Variants in TIAM1 observed in about 807,000 individuals in gnomAD.
TIAM1 encodes TIAM Rac1 associated GEF 1.
TIAM1 carries 65 observed loss-of-function variants against 163.5 expected under a neutral mutation model. That is an observed-to-expected ratio of 0.40 (90% CI 0.33 to 0.49). The LOEUF (loss-of-function observed/expected upper bound fraction) is 0.49, where lower values mean the gene tolerates loss of function less well. TIAM1 is among the 20% of genes least tolerant of loss of function. The pLI is 0.77. For synonymous variants in TIAM1, 833 were observed against 810.1 expected, an observed-to-expected ratio of 1.03 and a Z score of -0.48; for missense variants, 1,789 against 2,044.7, an observed-to-expected ratio of 0.87 and a Z score of 2.41.
At chr21:31,195,770 A>G (rs756755263) in intron 12 of TIAM1, among the ~76,000 whole-genome samples, 12 of 152,326 alleles carry the variant, frequency 7.9e-5, no homozygotes, top group Admixed American at 1.3e-4. Flanking sequence ...AAATTACGTA[A>G]AGGAGGATAT....
chr21:31,297,049 T>C (rs148750906), intron 2 of TIAM1, among the ~76,000 whole-genome samples: 139 of 152,314 alleles, frequency 9.1e-4, no homozygotes, highest in Middle Eastern at 3.4e-3. Flanking sequence ...TTCAGGGCTG[T>C]TCTAGAGGAA....
intron 2 of TIAM1, among the ~76,000 whole-genome samples, chr21:31,336,242 T>C (rs1194622887): frequency 6.6e-6 from 1 of 152,216 alleles, no homozygotes; most frequent in Admixed American, 6.5e-5. Context: ...AAAAGATGCT[T>C]GACATGTTTC....
chr21:31,242,876 A>G (rs1351953496), intron 6 of TIAM1, among the ~76,000 whole-genome samples: 1 of 149,856 alleles, frequency 6.7e-6, no homozygotes, highest in Non-Finnish European at 1.5e-5. Context: ...AAAAAAAAAA[A>G]AAAGAAAAAA....
chr21:31,137,634 C>T (rs549975645), intron 22 of TIAM1, among the ~76,000 whole-genome samples: 79 of 151,920 alleles, frequency 5.2e-4, no homozygotes, highest in Middle Eastern at 3.4e-3. Context: ...ATTATCTGCA[C>T]CTTCTGCCAT....
At chr21:31,180,521 C>T (rs964853219) in intron 15 of TIAM1, among the ~76,000 whole-genome samples, 19 of 147,102 alleles carry the variant, frequency 1.3e-4, no homozygotes, top group Non-Finnish European at 2.4e-4. Context: ...TTACCCACCT[C>T]TTTTTTTTTT....
intron 2 of TIAM1, among the ~76,000 whole-genome samples, chr21:31,311,075 C>T (rs760008210): frequency 6.6e-6 from 1 of 152,152 alleles, no homozygotes; most frequent in Non-Finnish European, 1.5e-5. Flanking sequence ...AAATAATGAA[C>T]TGCCAATAAG....
chr21:31,337,646 C>T (rs545361633), intron 2 of TIAM1, among the ~76,000 whole-genome samples: 1 of 152,018 alleles, frequency 6.6e-6, no homozygotes, highest in Non-Finnish European at 1.5e-5. Flanking sequence ...ATTCTCCCGC[C>T]TCAGCCTCCC....
chr21:31,138,304 C>A (rs774295634), intron 22 of TIAM1, among the ~76,000 whole-genome samples: 4 of 152,156 alleles, frequency 2.6e-5, no homozygotes, highest in Non-Finnish European at 5.9e-5. Flanking sequence ...TGTTTCTTTG[C>A]CAGCTTTGTT....
chr21:31,523,346 A>G (rs2147500503), intron 1 of TIAM1, among the ~76,000 whole-genome samples: 1 of 152,344 alleles, frequency 6.6e-6, no homozygotes, highest in East Asian at 1.9e-4. Flanking sequence ...CTAAAACAAC[A>G]CAATGATTTT....
intron 2 of TIAM1, among the ~76,000 whole-genome samples, chr21:31,450,288 C>T (rs920162822): frequency 1.3e-5 from 2 of 152,174 alleles, no homozygotes; most frequent in African/African-American, 4.8e-5. Context: ...CTCTCCTACT[C>T]CAAGGAGAAG....
intron 2 of TIAM1, among the ~76,000 whole-genome samples, chr21:31,333,195 C>T (rs1387642420): frequency 2.0e-5 from 3 of 152,194 alleles, no homozygotes; most frequent in African/African-American, 7.2e-5. Context: ...GCCCCGAGGG[C>T]TGAGGATCTG....
At chr21:31,228,238 A>ATT (rs1569068800) in intron 6 of TIAM1, among the ~76,000 whole-genome samples, 1 of 48,276 alleles carries the variant, frequency 2.1e-5, no homozygotes, top group Non-Finnish European at 6.5e-5. Context: ...AAAAAAAAAA[A>ATT]AAAAAAAAAA....
At chr21:31,239,456 A>C (rs2071055487) in intron 6 of TIAM1, among the ~76,000 whole-genome samples, 1 of 152,138 alleles carries the variant, frequency 6.6e-6, no homozygotes, top group Non-Finnish European at 1.5e-5. Flanking sequence ...ACATATATAC[A>C]AGAAAATTTT....
intron 1 of TIAM1, among the ~76,000 whole-genome samples, chr21:31,495,909 T>C (rs1406471364): frequency 6.6e-6 from 1 of 151,712 alleles, no homozygotes; most frequent in East Asian, 2.0e-4. Flanking sequence ...GGGTTGGAGG[T>C]TGCAGTGAGC....
chr21:31,512,121 G>T (rs1436032790), intron 1 of TIAM1, among the ~76,000 whole-genome samples: 1 of 152,106 alleles, frequency 6.6e-6, no homozygotes, highest in East Asian at 1.9e-4. Flanking sequence ...TTTTGAGATA[G>T]GGTCTCACTC....
chr21:31,417,157 G>A (rs2043401413), intron 2 of TIAM1, among the ~76,000 whole-genome samples: 1 of 152,098 alleles, frequency 6.6e-6, no homozygotes, highest in African/African-American at 2.4e-5. Flanking sequence ...CAAGTAGCTG[G>A]GACTACAGGC....
Position 31,152,000 on chromosome 21 carries a change from T to C in TIAM1, c.3366+636A>G, listed in dbSNP as rs181131758. Among the ~76,000 whole-genome samples, 396 of 151,342 alleles carry C rather than the reference T, an allele frequency of 2.6e-3. 4 individuals carry two copies. Among genetic ancestry groups the C allele is most frequent in the Middle Eastern group, 0.017 (5 of 288 alleles). ...CCCAGAACACGATAAATTAATTTGT[T>C]TACTGGGTAACCAGAAGTGCCTTTT... On this transcript the variant is annotated intron_variant, in intron 19 of 27. Coordinates refer to ENST00000541036, the MANE Select transcript of TIAM1 (RefSeq NM_001353694.2).
At chr21:31,251,033 T>C (rs980847001) in intron 5 of TIAM1, among the ~76,000 whole-genome samples, 1 of 152,268 alleles carries the variant, frequency 6.6e-6, no homozygotes, top group African/African-American at 2.4e-5. Context: ...TTGAATCCTA[T>C]GAAATTAACA....
chr21:31,408,318 G>A (rs761533424), intron 2 of TIAM1, among the ~76,000 whole-genome samples: 1 of 152,172 alleles, frequency 6.6e-6, no homozygotes, highest in Non-Finnish European at 1.5e-5. Flanking sequence ...GAAAATTTAG[G>A]TCACTGACAT....
Sources: allele counts gnomAD v4.1 joint callset (sites outside exome capture counted in the v4.1 genomes callset), GRCh38; gene constraint gnomAD v4.1.1; transcripts MANE v1.5; gene names NCBI Gene and HGNC (gene_info 2026-07-23, HGNC 2026-07-21).